PIR: variants seen among roughly 807,000 people sequenced by gnomAD.
PIR encodes the protein pirin.
Under a neutral mutation model 24.2 loss-of-function variants are expected in PIR, and 22 were observed. The ratio of observed to expected loss-of-function variants is 0.91; its 90% CI spans 0.65 to 1.30. The LOEUF is 1.30. Ranked by LOEUF, PIR falls within the 50% of genes most tolerant of loss-of-function variation. PIR has a pLI of 0.00. For missense variants in PIR, 220 were observed against 220.3 expected, an observed-to-expected ratio of 1.00 and a Z score of 0.01; for synonymous variants, 80 against 79.6, an observed-to-expected ratio of 1.00 and a Z score of -0.03.
chrX:15,414,559 A>C (rs975961947), intron 6 of PIR, among the ~76,000 whole-genome samples: 20 of 112,379 alleles, frequency 1.8e-4, no homozygotes, highest in Admixed American at 1.6e-3. Context: ...TAAGATCTGA[A>C]ATATACAGAA....
In PIR at chrX:15,398,362, G is replaced by A. The variant is rs184338974; in HGVS notation, c.611-831C>T. ...AATGAAAGTGTCTCTTAAAGGCAAC[G>A]ATAAATTCATAAGCAAAGTTCAATA... On this transcript the variant is annotated intron_variant, in intron 7 of 9. Coordinates refer to ENST00000380420, the MANE Select transcript of PIR (RefSeq NM_001018109.3). Among the ~76,000 whole-genome samples the A allele has an allele frequency of 7.5e-4, 84 of 111,877 alleles. 1 individual carries two copies. Among genetic ancestry groups the A allele is most frequent in the African/African-American group, 2.7e-3 (82 of 30,820 alleles).
chrX:15,442,294 C>T (rs1172947673), intron 5 of PIR, among the ~76,000 whole-genome samples: 1 of 111,139 alleles, frequency 9.0e-6, no homozygotes, highest in Non-Finnish European at 1.9e-5. Context: ...ACTGTGCCGA[C>T]ATAAGACACA....
At chrX:15,459,023 A>G (rs936819300) in intron 4 of PIR, among the ~76,000 whole-genome samples, 27 of 112,561 alleles carry the variant, frequency 2.4e-4, no homozygotes, top group African/African-American at 8.7e-4. Context: ...ACATATACAT[A>G]TAAAATCCCA....
At chrX:15,486,613 C>T (rs993476859) in intron 2 of PIR, among the ~76,000 whole-genome samples, 1 of 111,771 alleles carries the variant, frequency 8.9e-6, no homozygotes, top group Admixed American at 9.5e-5. Context: ...CAGGGTGGAA[C>T]TTTTAGGAAA....
intron 6 of PIR, 34 bp downstream of exon 6, chrX:15,425,872 T>C: frequency 1.2e-6 from 1 of 816,343 alleles, no homozygotes; most frequent in Non-Finnish European, 1.8e-6. Flanking sequence ...TTTTTTTTCC[T>C]GACGTGACTA....
chrX:15,456,303 C>T lies in PIR; in HGVS notation c.274-249G>A, dbSNP rs184372578. 2.7e-4 allele frequency among the ~76,000 whole-genome samples: 30 copies of T among 112,186 alleles called. 1 individual carries two copies. Among genetic ancestry groups the T allele is most frequent in the African/African-American group, 8.4e-4 (26 of 30,901 alleles). ...TGGAATTCCCACAAATGGAAGAATC[C>T]TCTCTTTGACTTCCCTGAGTCTTAG... On this transcript the variant is annotated intron_variant, in intron 4 of 9. Transcript: ENST00000380420.
At chrX:15,439,735 T>A (rs555001714) in intron 5 of PIR, among the ~76,000 whole-genome samples, 1 of 112,466 alleles carries the variant, frequency 8.9e-6, no homozygotes, top group East Asian at 2.8e-4. Flanking sequence ...ACTTGGCAGA[T>A]GAGGAAATAA....
At chrX:15,406,945 C>G (rs111531464) in intron 7 of PIR, among the ~76,000 whole-genome samples, 1 of 112,305 alleles carries the variant, frequency 8.9e-6, no homozygotes, top group Admixed American at 9.4e-5. Flanking sequence ...TCCACCAATG[C>G]GTAACCCTGG....
intron 5 of PIR, among the ~76,000 whole-genome samples, chrX:15,451,623 T>G (rs1920967037): frequency 8.9e-6 from 1 of 112,076 alleles, no homozygotes. Context: ...TTTTAATGAT[T>G]TCATTTACTC....
chrX:15,402,217 T>C (rs981969641), intron 7 of PIR, among the ~76,000 whole-genome samples: 1 of 110,443 alleles, frequency 9.1e-6, no homozygotes, highest in African/African-American at 3.3e-5. Flanking sequence ...GTGGGAGGAG[T>C]GCTTGAATGC....
At chrX:15,451,023 G>A (rs763598646) in intron 5 of PIR, among the ~76,000 whole-genome samples, 1 of 111,102 alleles carries the variant, frequency 9.0e-6, no homozygotes, top group Admixed American at 9.6e-5. Flanking sequence ...AAATCACAGG[G>A]GATTATTACA....
chrX:15,403,741 A>G (rs1924463310), intron 7 of PIR, among the ~76,000 whole-genome samples: 1 of 111,595 alleles, frequency 9.0e-6, no homozygotes, highest in Non-Finnish European at 1.9e-5. Flanking sequence ...AAGGCTCTTC[A>G]TTGTTGGAAA....
chrX:15,467,796 T>C (rs1047435952), intron 3 of PIR, among the ~76,000 whole-genome samples: 5 of 112,188 alleles, frequency 4.5e-5, no homozygotes, highest in African/African-American at 1.6e-4. Flanking sequence ...CAAGGTTCTA[T>C]GATAATCATA....
At chrX:15,472,459 T>C (rs1921974116) in intron 3 of PIR, among the ~76,000 whole-genome samples, 1 of 111,817 alleles carries the variant, frequency 8.9e-6, no homozygotes, top group African/African-American at 3.3e-5. Flanking sequence ...ATCCATACAA[T>C]AGAATATCCA....
intron 2 of PIR, among the ~76,000 whole-genome samples, chrX:15,490,540 C>G (rs1330545140): frequency 1.8e-5 from 2 of 111,870 alleles, no homozygotes; most frequent in African/African-American, 6.5e-5. Context: ...TTATTTCCCC[C>G]ACAAATCCCA....
At chrX:15,435,374 T>C (rs1925719930) in intron 5 of PIR, among the ~76,000 whole-genome samples, 1 of 112,341 alleles carries the variant, frequency 8.9e-6, no homozygotes, top group Non-Finnish European at 1.9e-5. Context: ...TTGTCCCAGT[T>C]GACTTATTCT....
chrX:15,490,475 G>T (rs1415488801), intron 2 of PIR, among the ~76,000 whole-genome samples: 1 of 111,578 alleles, frequency 9.0e-6, no homozygotes, highest in Non-Finnish European at 1.9e-5. Context: ...TGGTGCTAGG[G>T]GCTGTATTCC....
intron 8 of PIR, among the ~76,000 whole-genome samples, chrX:15,396,957 G>A (rs909871867): frequency 2.7e-5 from 3 of 111,528 alleles, no homozygotes; most frequent in East Asian, 2.8e-4. Flanking sequence ...AGCCAGGATG[G>A]TCTCGATTTC....
chrX:15,464,402 C>T, intron 3 of PIR: 1 of 753,358 alleles, frequency 1.3e-6, no homozygotes, highest in Non-Finnish European at 1.6e-6. Context: ...AAGAAAGATG[C>T]TGCCGCTAAT....
Sources: gnomAD v4.1 joint callset for allele counts (sites outside exome capture counted in the v4.1 genomes callset) on GRCh38, gnomAD v4.1.1 for gene constraint, MANE v1.5 for transcripts, NCBI Gene and HGNC (gene_info 2026-07-23, HGNC 2026-07-21) for gene names.